Variants in SFMBT2 observed in about 807,000 individuals in gnomAD.
The protein encoded by SFMBT2 is Scm like with four mbt domains 2.
A neutral mutation model predicts 110.1 loss-of-function variants in SFMBT2; 38 were observed. The ratio of observed to expected loss-of-function variants is 0.35; its 90% confidence interval spans 0.27 to 0.45. The LOEUF (loss-of-function observed/expected upper bound fraction) is 0.45, where lower values mean the gene tolerates loss of function less well. SFMBT2 is among the 20% of genes least tolerant of loss of function. The pLI, the probability that SFMBT2 is intolerant of heterozygous loss-of-function variation, is 1.00. For synonymous variants in SFMBT2, 425 were observed against 425.4 expected (o/e 1.00, Z 0.01); for missense variants, 1,011 against 1,094.9 (o/e 0.92, Z 1.08).
intron 11 of SFMBT2, among the ~76,000 whole-genome samples, chr10:7,216,396 C>G (rs868229881): frequency 3.3e-5 from 5 of 152,150 alleles, no homozygotes; most frequent in Admixed American, 6.5e-5. Flanking sequence ...AAGGGGTTTC[C>G]CTTTTTGCTT....
At chr10:7,273,926 T>C (rs1034297230) in intron 7 of SFMBT2, among the ~76,000 whole-genome samples, 11 of 152,226 alleles carry the variant, frequency 7.2e-5, no homozygotes, top group Non-Finnish European at 1.5e-4. Context: ...ATCCCATTAC[T>C]GGATATATAC....
chr10:7,292,970 G>C (rs749419738), intron 4 of SFMBT2, among the ~76,000 whole-genome samples: 4 of 152,092 alleles, frequency 2.6e-5, no homozygotes, highest in Non-Finnish European at 5.9e-5. Flanking sequence ...CTGGGTGACA[G>C]AGCAAGGCTC....
intron 7 of SFMBT2, among the ~76,000 whole-genome samples, chr10:7,271,807 A>G (rs1190931680): frequency 6.6e-6 from 1 of 152,204 alleles, no homozygotes; most frequent in Non-Finnish European, 1.5e-5. Context: ...AGCAGACAAG[A>G]GAAGAGAGCT....
intron 7 of SFMBT2, chr10:7,264,277 G>A: frequency 4.4e-6 from 1 of 229,804 alleles, no homozygotes; most frequent in Non-Finnish European, 7.2e-6. Flanking sequence ...ACTCAATGCA[G>A]TGCACTGCCG....
intron 7 of SFMBT2, among the ~76,000 whole-genome samples, chr10:7,266,079 G>A (rs1291392669): frequency 6.6e-6 from 1 of 151,960 alleles, no homozygotes; most frequent in East Asian, 1.9e-4. Context: ...GGAACAGAGT[G>A]CGGTTTTCTT....
At chr10:7,320,629 C>T (rs1236363761) in intron 4 of SFMBT2, 7 of 984,268 alleles carry the variant, frequency 7.1e-6, no homozygotes, top group Admixed American at 6.2e-5. Flanking sequence ...TCATTCTTAC[C>T]ACCATTCTGG....
chr10:7,322,568 A>C (rs983801522), intron 4 of SFMBT2, among the ~76,000 whole-genome samples: 1 of 152,042 alleles, frequency 6.6e-6, no homozygotes, highest in Admixed American at 6.6e-5. Flanking sequence ...GGAATATACA[A>C]GAAAATTTTT....
intron 15 of SFMBT2, among the ~76,000 whole-genome samples, chr10:7,189,828 A>T (rs1838541371): frequency 6.6e-6 from 1 of 152,238 alleles, no homozygotes; most frequent in Admixed American, 6.5e-5. Flanking sequence ...CCTGAGTGAG[A>T]TGGGAGTCTG....
chr10:7,228,781 T>TCTCCCC (rs1466235599), intron 9 of SFMBT2, among the ~76,000 whole-genome samples: 1 of 110,484 alleles, frequency 9.1e-6, no homozygotes, highest in Admixed American at 9.8e-5. Flanking sequence ...TCTCTCTCTC[T>TCTCCCC]CCCCCTCCCT....
intron 7 of SFMBT2, among the ~76,000 whole-genome samples, chr10:7,267,953 CATTAACTAGA>C (rs1402217595): frequency 6.6e-6 from 1 of 152,172 alleles, no homozygotes; most frequent in Non-Finnish European, 1.5e-5. Context: ...ATTTTATTTC[CATTAACTAGA>C]AAATTGGGAA....
intron 11 of SFMBT2, chr10:7,214,613 A>G: frequency 1.0e-6 from 1 of 985,508 alleles, no homozygotes; most frequent in Non-Finnish European, 1.2e-6. Flanking sequence ...CAGAAATCAG[A>G]AACTACACAC....
chr10:7,410,279 G>A (rs1052167135), intron 1 of SFMBT2, among the ~76,000 whole-genome samples: 4 of 152,242 alleles, frequency 2.6e-5, no homozygotes, highest in Non-Finnish European at 5.9e-5. Context: ...TTCCAAGGGA[G>A]CGATTCCGAA....
intron 4 of SFMBT2, among the ~76,000 whole-genome samples, chr10:7,315,757 G>A (rs1487199688): frequency 6.6e-6 from 1 of 152,200 alleles, no homozygotes; most frequent in Non-Finnish European, 1.5e-5. Context: ...AGATACACCA[G>A]TTAAGAGCTG....
chr10:7,325,702 C>A (rs1406942726), intron 4 of SFMBT2, among the ~76,000 whole-genome samples: 1 of 152,178 alleles, frequency 6.6e-6, no homozygotes, highest in Non-Finnish European at 1.5e-5. Context: ...GCGGTCAAAT[C>A]TTTTATCTAC....
At chr10:7,338,508 T>C (rs887672205) in intron 4 of SFMBT2, among the ~76,000 whole-genome samples, 4 of 152,188 alleles carry the variant, frequency 2.6e-5, no homozygotes, top group African/African-American at 9.7e-5. Flanking sequence ...GAAAATGCTA[T>C]TAAGAAAATC....
At chr10:7,395,364 C>T (rs565162305) in intron 1 of SFMBT2, among the ~76,000 whole-genome samples, 3 of 152,374 alleles carry the variant, frequency 2.0e-5, no homozygotes, top group Admixed American at 6.5e-5. Flanking sequence ...TGGCTTCCAT[C>T]GCTGAAGTGT....
intron 7 of SFMBT2, chr10:7,264,088 C>A: frequency 4.1e-6 from 1 of 244,232 alleles, no homozygotes; most frequent in Non-Finnish European, 6.6e-6. Context: ...GGTGTCCATG[C>A]AGGGAAGGTC....
Position 7,172,029 on chromosome 10 carries a change from C to T in SFMBT2, c.2281G>A (p.Val761Ile), listed in dbSNP as rs750153697. ...EVPSARPRRAVTLRSGSEPVR... is the reference protein window; with the variant it reads ...EVPSARPRRAITLRSGSEPVR... ...GGCTCTGAGCCGCTCCGCAGGGTGACGGCCCTCCGGGGCCGGGCCGAGGGC... is the reference window on the plus strand; with the variant it reads ...GGCTCTGAGCCGCTCCGCAGGGTGATGGCCCTCCGGGGCCGGGCCGAGGGC... Residue 761 changes from valine to isoleucine, a missense_variant, in exon 19 of 21, where the codon GTC (valine) becomes ATC (isoleucine). Around this residue, in one of 2 missense-constraint regions of SFMBT2, gnomAD observed 979 missense variants for 1,016.1 expected, o/e 0.96. Coordinates refer to ENST00000397167, the MANE Select transcript of SFMBT2 (RefSeq NM_001387889.1). The surrounding 1 kb of genome is among the most constrained non-coding windows in gnomAD (Gnocchi z 4.6). 1.3e-5 allele frequency: 21 copies of T among 1,586,552 alleles called. No individual in the cohort carries two copies. The highest frequency in any genetic ancestry group is 2.3e-5 in the East Asian group (1 of 43,562).
At chr10:7,206,798 C>T (rs185716515) in intron 11 of SFMBT2, 3 of 917,490 alleles carry the variant, frequency 3.3e-6, no homozygotes, top group South Asian at 5.0e-5. Flanking sequence ...AAATTCGACA[C>T]CAAATCAATA....
Sources: allele counts gnomAD v4.1 joint callset (sites outside exome capture counted in the v4.1 genomes callset), GRCh38; gene constraint gnomAD v4.1.1; regional missense constraint gnomAD v4.1.1; non-coding constraint Gnocchi (gnomAD v3.1); transcripts MANE v1.5; gene names NCBI Gene and HGNC (gene_info 2026-07-23, HGNC 2026-07-21).